Variants in EYA3 observed in about 807,000 individuals in gnomAD.
EYA3 encodes the protein EYA transcriptional coactivator and phosphatase 3, also known as protein phosphatase EYA3.
EYA3 carries 39 observed loss-of-function variants against 80.0 expected under a neutral mutation model. The observed-to-expected ratio is 0.49, with a 90% CI of 0.38 to 0.64. EYA3 has a LOEUF of 0.64. Among genes scored for constraint, EYA3 ranks in the 30% least tolerant of loss-of-function variants. The pLI is 0.00. For synonymous variants in EYA3, 206 were observed against 232.8 expected (o/e 0.88, Z 1.05); for missense variants, 523 against 676.1 (o/e 0.77, Z 2.51).
rs150127273 is a variant in EYA3 at position 28,060,223 on chromosome 1, A to G, written c.-68-2129T>C. On this transcript the variant is annotated intron_variant, in intron 1 of 17. Transcript: ENST00000373871. ...TAAGAATAATTGTTAAAAAATATTT[A>G]TGTGTATACACACTCAATAATGTGG... Among the ~76,000 whole-genome samples the G allele has an allele frequency of 3.9e-5, 6 of 152,358 alleles. No individual in the cohort carries two copies. The Middle Eastern group carries it at 0.01, about 259-fold the overall frequency.
chr1:28,042,769 T>C (rs1218620719), intron 3 of EYA3, 119 bp from the exon 4 acceptor site: 11 of 730,296 alleles, frequency 1.5e-5, no homozygotes, highest in Non-Finnish European at 2.7e-5. Context: ...TAAATCTTCG[T>C]GATATCCTTA....
chr1:28,044,748 T>C (rs1643938838), intron 3 of EYA3, among the ~76,000 whole-genome samples: 1 of 152,006 alleles, frequency 6.6e-6, no homozygotes, highest in African/African-American at 2.4e-5. Flanking sequence ...TTTTTTTAAA[T>C]GGTATATATT....
rs1198841328 is a variant in EYA3, at chr1:28,013,367, T to C, written c.586-73A>G. The C allele has an allele frequency of 2.5e-6, 3 of 1,223,230 alleles. No individual in the cohort carries two copies. In the African/African-American group the frequency reaches 4.6e-5, roughly 19 times the overall value. 75.8% of individuals were successfully genotyped at this position (1,223,230 alleles called of 1,614,324 possible). ...AATCTCAACACAAGAGGCTTTCTTC[T>C]CCCTCTTTCTTATTCATAATTATTT... On this transcript the variant is annotated intron_variant, in intron 8 of 17. Transcript: ENST00000373871. This position sits in a 1 kb window ranked among gnomAD's most constrained non-coding sequence, Gnocchi z 4.0.
At chr1:27,978,557 TGCCTGTGCTTAGGTGGACTAAGTGACA>T (rs1170579170) in intron 16 of EYA3, 83 bp from the exon 17 acceptor site, 10 of 1,155,798 alleles carry the variant, frequency 8.7e-6, no homozygotes, top group Non-Finnish European at 1.2e-5. Context: ...TAGGTTCACC[TGCCTGTGCTTAGGTGGACTAAGTGACA>T]GCCCATGTAG....
intron 1 of EYA3, among the ~76,000 whole-genome samples, chr1:28,072,197 A>G (rs1645041049): frequency 6.6e-6 from 1 of 152,248 alleles, no homozygotes; most frequent in Admixed American, 6.5e-5. Context: ...CAAAACTAGT[A>G]GCAGTATCTT....
At position 28,060,744 on chromosome 1, in the gene EYA3, G is replaced by A. The variant is rs570917119; in HGVS notation, c.-68-2650C>T. 1.1e-3 allele frequency among the ~76,000 whole-genome samples: 167 copies of A among 152,320 alleles called. 1 individual carries two copies. The highest frequency in any genetic ancestry group is 2.1e-3 in the Non-Finnish European group (146 of 68,032). On this transcript the variant is annotated intron_variant, in intron 1 of 17. Coordinates refer to ENST00000373871, the MANE Select transcript of EYA3 (RefSeq NM_001990.4). ...TAGAAGAAAAGAACTGGCCAGGCAT[G>A]GTGGCTCATGCCTGTAATCCCAGCA... is the stretch of plus-strand genomic sequence containing the variant.
At chr1:28,014,652 T>C (rs1463352700) in intron 8 of EYA3, among the ~76,000 whole-genome samples, 1 of 151,298 alleles carries the variant, frequency 6.6e-6, no homozygotes, top group African/African-American at 2.4e-5. Context: ...CGCTTGAATC[T>C]GGGAGACAGA....
intron 17 of EYA3, 90 bp from the exon 18 acceptor site, chr1:27,974,636 C>T: frequency 1.9e-6 from 2 of 1,033,172 alleles, no homozygotes; most frequent in Non-Finnish European, 3.0e-6. Context: ...ACACACCTCT[C>T]CCCAAGGTAC....
intron 1 of EYA3, among the ~76,000 whole-genome samples, chr1:28,058,901 A>G (rs774797221): frequency 6.6e-6 from 1 of 152,228 alleles, no homozygotes; most frequent in Non-Finnish European, 1.5e-5. Context: ...CATTATAAAA[A>G]TGAAATACTC....
chr1:28,011,257 C>G (rs1386617566), intron 9 of EYA3, among the ~76,000 whole-genome samples, 171 bp from the exon 10 acceptor site: 2 of 152,172 alleles, frequency 1.3e-5, no homozygotes. Context: ...CATTGAGCAT[C>G]AGCACTGGCT....
At chr1:27,988,900 CT>C (rs1639843052) in intron 15 of EYA3, among the ~76,000 whole-genome samples, 1 of 152,182 alleles carries the variant, frequency 6.6e-6, no homozygotes, top group African/African-American at 2.4e-5. Context: ...CAACTTAGTT[CT>C]TGCCTTCTTT....
chr1:28,070,982 G>A (rs549993391), intron 1 of EYA3, among the ~76,000 whole-genome samples: 1 of 152,256 alleles, frequency 6.6e-6, no homozygotes, highest in Admixed American at 6.5e-5. Context: ...GAGTGCAATG[G>A]CGCACTCTTA....
chr1:28,069,027 G>A (rs890637453), intron 1 of EYA3, among the ~76,000 whole-genome samples: 12 of 151,760 alleles, frequency 7.9e-5, no homozygotes, highest in Non-Finnish European at 1.2e-4. Context: ...GGCTGGTCTC[G>A]AACTCCTGGT....
chr1:27,990,788 T>TGATCC (rs1430537734), intron 14 of EYA3, among the ~76,000 whole-genome samples: 2 of 151,876 alleles, frequency 1.3e-5, no homozygotes, highest in African/African-American at 2.4e-5. Context: ...CCTGATCTCA[T>TGATCC]GATCCACCCA....
chr1:28,069,360 C>T (rs762091952), intron 1 of EYA3, among the ~76,000 whole-genome samples: 1 of 151,832 alleles, frequency 6.6e-6, no homozygotes, highest in Non-Finnish European at 1.5e-5. Flanking sequence ...CTACCCACCT[C>T]GGCCTCCCAA....
At chr1:28,003,492 C>CAAACAAACAA (rs796294707) in intron 11 of EYA3, among the ~76,000 whole-genome samples, 3 of 151,928 alleles carry the variant, frequency 2.0e-5, no homozygotes, top group African/African-American at 4.8e-5. Context: ...AACAAACAAA[C>CAAACAAACAA]AAACAAAAAA....
intron 10 of EYA3, among the ~76,000 whole-genome samples, chr1:28,006,343 AGTTT>A (rs1641272167): frequency 6.6e-6 from 1 of 152,160 alleles, no homozygotes; most frequent in African/African-American, 2.4e-5. Flanking sequence ...TTCTATTCCT[AGTTT>A]ATTATTTTTT....
At position 28,027,082 on chromosome 1, in the gene EYA3, A is replaced by C. The variant is rs147495427; in HGVS notation, c.499+707T>G. On this transcript the variant is annotated intron_variant, in intron 7 of 17. Transcript: ENST00000373871. ...TAAAAGCTGGGAAATATCAGGAGAA[A>C]AGAGGCAGATGAGAAGCCAGGTACA... Among the ~76,000 whole-genome samples, 61 of 152,336 alleles carry C rather than the reference A, an allele frequency of 4.0e-4. 1 individual carries two copies. In the East Asian group the frequency reaches 7.5e-3, roughly 19 times the overall value.
intron 1 of EYA3, among the ~76,000 whole-genome samples, chr1:28,088,226 G>C (rs191144892): frequency 2.0e-5 from 3 of 152,158 alleles, no homozygotes; most frequent in East Asian, 1.9e-4. Flanking sequence ...AAAAAGGAGA[G>C]GCAGTGGCTG....
Sources: allele counts gnomAD v4.1 joint callset (sites outside exome capture counted in the v4.1 genomes callset), GRCh38; gene constraint gnomAD v4.1.1; non-coding constraint Gnocchi (gnomAD v3.1); transcripts MANE v1.5; gene names NCBI Gene and HGNC (gene_info 2026-07-23, HGNC 2026-07-21).